CHL1: variants seen among roughly 807,000 people sequenced by gnomAD.
CHL1 encodes the protein cell adhesion molecule L1 like, also known as neural cell adhesion molecule L1-like protein.
A neutral mutation model predicts 141.9 loss-of-function variants in CHL1; 96 were observed. That is an observed-to-expected ratio of 0.68 (90% CI 0.57 to 0.80). CHL1 has a LOEUF of 0.80. CHL1 is among the 30% of genes least tolerant of loss of function. The probability of loss-of-function intolerance (pLI) is 0.00; values close to 1 mark genes in which losing one functional copy is unlikely to be tolerated. For synonymous variants in CHL1, 613 were observed against 502.2 expected (o/e 1.22, Z -2.95); for missense variants, 1,820 against 1,457.2 (o/e 1.25, Z -4.05).
chr3:259,019 G>A (rs1217986578), intron 2 of CHL1, among the ~76,000 whole-genome samples: 8 of 147,106 alleles, frequency 5.4e-5, no homozygotes, highest in Non-Finnish European at 8.9e-5. Flanking sequence ...TTGCAGCCTC[G>A]ACTTCCTGGG....
intron 3 of CHL1, among the ~76,000 whole-genome samples, chr3:322,991 T>A (rs1240948675): frequency 3.3e-5 from 5 of 152,026 alleles, no homozygotes; most frequent in Non-Finnish European, 7.4e-5. Context: ...ACATACTTTC[T>A]AACATTCTAG....
intron 2 of CHL1, among the ~76,000 whole-genome samples, chr3:318,057 C>T (rs1051387485): frequency 6.6e-6 from 1 of 151,804 alleles, no homozygotes; most frequent in East Asian, 1.9e-4. Context: ...AATGCCATTA[C>T]TCTAATTCAG....
chr3:200,840 T>C (rs980872413), intron 1 of CHL1, among the ~76,000 whole-genome samples: 8 of 152,200 alleles, frequency 5.3e-5, no homozygotes, highest in African/African-American at 1.7e-4. Context: ...CTGCTTTCTT[T>C]TTTCTGTACA....
chr3:328,811 G>T (rs1340481440), intron 5 of CHL1, among the ~76,000 whole-genome samples: 2 of 152,080 alleles, frequency 1.3e-5, no homozygotes, highest in African/African-American at 4.8e-5. Context: ...TGTGAAACAT[G>T]CCATTTTGGT....
chr3:251,445 T>C (rs1693684942), intron 2 of CHL1, among the ~76,000 whole-genome samples: 1 of 152,286 alleles, frequency 6.6e-6, no homozygotes, highest in Admixed American at 6.5e-5. Context: ...CTCATAATCC[T>C]TATCTCAGAT....
chr3:310,112 A>G (rs1699628482), intron 2 of CHL1, among the ~76,000 whole-genome samples: 1 of 152,140 alleles, frequency 6.6e-6, no homozygotes, highest in African/African-American at 2.4e-5. Context: ...ATTTAATAAC[A>G]AGAGAATAGT....
In CHL1 at chr3:352,529, A is replaced by G. The variant is rs981138507; in HGVS notation, c.1034-2111A>G. Among the ~76,000 whole-genome samples, 16 of 152,292 alleles carry G rather than the reference A, an allele frequency of 1.1e-4. 1 individual carries two copies. Among genetic ancestry groups the G allele is most frequent in the Admixed American group, 9.2e-4 (14 of 15,292 alleles). ...TAAAGTTTCAACATAAGCAATTTTC[A>G]TCTGTTACCATATGTCTTAGGATAA... On this transcript the variant is annotated intron_variant, in intron 10 of 27. Transcript: ENST00000256509.
chr3:281,286 A>T (rs1336370675), intron 2 of CHL1, among the ~76,000 whole-genome samples: 3 of 152,074 alleles, frequency 2.0e-5, no homozygotes, highest in African/African-American at 7.2e-5. Context: ...ACTCCCCACA[A>T]ATTTGCCCAC....
At chr3:234,748 C>G (rs1281928100) in intron 1 of CHL1, among the ~76,000 whole-genome samples, 1 of 152,090 alleles carries the variant, frequency 6.6e-6, no homozygotes. Flanking sequence ...AGACAAGTTC[C>G]TATTTTGGGG....
At chr3:247,958 C>G (rs986445701) in intron 2 of CHL1, 1 of 152,058 alleles carries the variant, frequency 6.6e-6, no homozygotes, top group African/African-American at 2.4e-5. Context: ...GCTCCATGCC[C>G]TTGTCCCAGA....
At chr3:369,608 G>T (rs1365585252) in intron 15 of CHL1, among the ~76,000 whole-genome samples, 1 of 152,116 alleles carries the variant, frequency 6.6e-6, no homozygotes, top group Non-Finnish European at 1.5e-5. Flanking sequence ...TTGCCTGATG[G>T]CCCTGGCCAG....
intron 1 of CHL1, among the ~76,000 whole-genome samples, chr3:226,274 G>A (rs1361464024): frequency 3.4e-5 from 5 of 148,752 alleles, no homozygotes; most frequent in Non-Finnish European, 5.9e-5. Flanking sequence ...CGCCTGCTTC[G>A]GCCTCCCAAA....
At chr3:342,222 G>C in intron 7 of CHL1, 140 bp downstream of exon 7, 1 of 621,672 alleles carries the variant, frequency 1.6e-6, no homozygotes, top group South Asian at 2.9e-5. Flanking sequence ...TCTTCCAGAT[G>C]AAATAGACAT....
intron 1 of CHL1, among the ~76,000 whole-genome samples, chr3:205,104 C>CT (rs11424648): frequency 0.57 from 73,318 of 128,928 alleles, 21,424 homozygotes; most frequent in African/African-American, 0.72. Flanking sequence ...TTCTTTCTTT[C>CT]TTTTTTTTTT....
chr3:399,392 A>G (rs999498031), intron 26 of CHL1, among the ~76,000 whole-genome samples: 8 of 152,192 alleles, frequency 5.3e-5, no homozygotes, highest in Non-Finnish European at 7.3e-5. Flanking sequence ...CTGTAATTCC[A>G]GCAGTTTGGG....
chr3:282,792 C>T (rs1007535392), intron 2 of CHL1: 7 of 152,186 alleles, frequency 4.6e-5, no homozygotes, highest in Admixed American at 1.3e-4. Flanking sequence ...AAAGCAAGCA[C>T]TCTGGATCTT....
chr3:306,738 TA>T (rs61660779), intron 2 of CHL1, among the ~76,000 whole-genome samples: 1 of 152,024 alleles, frequency 6.6e-6, no homozygotes, highest in South Asian at 2.1e-4. Flanking sequence ...AGTATAGAGA[TA>T]AAAAAATCAA....
intron 2 of CHL1, among the ~76,000 whole-genome samples, chr3:267,950 G>C (rs1022588044): frequency 2.0e-5 from 3 of 152,172 alleles, no homozygotes; most frequent in Non-Finnish European, 2.9e-5. Context: ...TCAGCTTTGT[G>C]TTGATGATCA....
chr3:318,085 T>A lies in CHL1; in HGVS notation c.-94-1598T>A, dbSNP rs557808118. Among the ~76,000 whole-genome samples the A allele has an allele frequency of 6.6e-5, 10 of 151,868 alleles. No individual in the cohort carries two copies. The East Asian group carries it at 1.9e-3, about 29-fold the overall frequency. On this transcript the variant is annotated intron_variant, in intron 2 of 27. Coordinates refer to ENST00000256509, the MANE Select transcript of CHL1 (RefSeq NM_006614.4). ...TAATTCAGGACAAAGATTCACAACT[T>A]TTTTGGAGGTGGGAGGGTAGTATTT... is the stretch of plus-strand genomic sequence containing the variant.
Sources: allele counts gnomAD v4.1 joint callset (sites outside exome capture counted in the v4.1 genomes callset), GRCh38; gene constraint gnomAD v4.1.1; transcripts MANE v1.5; gene names NCBI Gene and HGNC (gene_info 2026-07-23, HGNC 2026-07-21).